Variants in OR4E2 observed in about 807,000 individuals in gnomAD.
OR4E2 encodes the protein olfactory receptor family 4 subfamily E member 2, also known as olfactory receptor 4E2.
In OR4E2, 9 loss-of-function variants were observed where a neutral mutation model predicts 11.0. The ratio of observed to expected loss-of-function variants is 0.82; its 90% CI spans 0.49 to 1.43. OR4E2 has a LOEUF of 1.43. Ranked by LOEUF, OR4E2 falls within the 40% of genes most tolerant of loss-of-function variation. The pLI, the probability that OR4E2 is intolerant of heterozygous loss-of-function variation, is 0.00. For synonymous variants in OR4E2, 159 were observed against 147.3 expected, an observed-to-expected ratio of 1.08 and a Z score of -0.57; for missense variants, 441 against 382.0, an observed-to-expected ratio of 1.15 and a Z score of -1.29.
At chr14:21,655,199 A>G (rs116826653) in intron 1 of OR4E2, among the ~76,000 whole-genome samples, 221 of 152,386 alleles carry the variant, frequency 1.5e-3, no homozygotes, top group African/African-American at 5.0e-3. Flanking sequence ...TTGCTCAAGT[A>G]TACGCAGAGT....
chr14:21,660,384 A>G (rs941138653), intron 2 of OR4E2, among the ~76,000 whole-genome samples: 1 of 152,154 alleles, frequency 6.6e-6, no homozygotes, highest in Non-Finnish European at 1.5e-5. Flanking sequence ...GGGGGAAGAG[A>G]TTCCAAACAG....
chr14:21,661,464 T>C (rs1287145437), intron 3 of OR4E2, among the ~76,000 whole-genome samples: 3 of 152,212 alleles, frequency 2.0e-5, no homozygotes, highest in Non-Finnish European at 4.4e-5. Flanking sequence ...ATACTCATAA[T>C]AGGTTCTTTT....
chr14:21,653,871 T>C lies in OR4E2; in HGVS notation c.-259T>C, dbSNP rs1879782352. 1 of 152,220 alleles carries C rather than the reference T, an allele frequency of 6.6e-6. No homozygotes were observed. The highest frequency in any genetic ancestry group is 1.5e-5 in the Non-Finnish European group (1 of 68,040). 9.4% of individuals were successfully genotyped at this position (152,220 alleles called of 1,614,324 possible). A position where few individuals can be genotyped will look rare whatever the true frequency, so the allele number is the denominator to read the frequency against. ...TGCAGAATTTTGAGTTTCATGATTTTATATCCTAGGCTTCTATAATAGGGT... is the reference window on the plus strand; with the variant it reads ...TGCAGAATTTTGAGTTTCATGATTTCATATCCTAGGCTTCTATAATAGGGT... On this transcript the variant is annotated 5_prime_UTR_variant, in exon 1 of 4. Coordinates refer to ENST00000641524, the MANE Select transcript of OR4E2 (RefSeq NM_001001912.3).
In OR4E2 at chr14:21,665,178, A is replaced by T; in HGVS notation, c.96A>T (p.Ser32=). The change falls in exon 4 of 4, where the codon TCA becomes TCT. Residue 32 remains serine, a synonymous_variant. Coordinates refer to ENST00000641524, the MANE Select transcript of OR4E2 (RefSeq NM_001001912.3). ...VLEMLFFMAF[S]AIYMLTLSGN... ...AAATGCTGTTTTTCATGGCATTCTC[A>T]GCCATTTATATGCTAACGCTTTCGG... 1 of 1,613,864 alleles carries T rather than the reference A, an allele frequency of 6.2e-7. No homozygotes were observed. Among genetic ancestry groups the T allele is most frequent in the Admixed American group, 1.7e-5 (1 of 60,020 alleles).
rs1491122085 is a variant in OR4E2, at chr14:21,657,385, C to CCTTCCTTCCTTCCTTT, written c.-103+799_-103+800insCCTTCCTTCCTTTCTT. On this transcript the variant is annotated intron_variant, in intron 2 of 3. Coordinates refer to ENST00000641524, the MANE Select transcript of OR4E2 (RefSeq NM_001001912.3). ...TCCTTCCTTCCTTCCTTCCTTCCTT[C>CCTTCCTTCCTTCCTTT]CTTTCTTTCTTCCTTCCTTCCTTTC... Among the ~76,000 whole-genome samples, 25 of 108,314 alleles carry CCTTCCTTCCTTCCTTT rather than the reference C, an allele frequency of 2.3e-4. 1 individual carries two copies. Among genetic ancestry groups the CCTTCCTTCCTTCCTTT allele is most frequent in the Non-Finnish European group, 6.0e-5 (3 of 49,986 alleles). 71.1% of individuals were successfully genotyped at this position (108,314 alleles called of 152,430 possible).
intron 1 of OR4E2, among the ~76,000 whole-genome samples, chr14:21,656,174 C>CAA (rs11357838): frequency 1.5e-3 from 220 of 144,266 alleles, no homozygotes; most frequent in East Asian, 0.013. Flanking sequence ...AACAAACAAC[C>CAA]AAAAAAAAAA....
intron 1 of OR4E2, among the ~76,000 whole-genome samples, 148 bp from the exon 2 acceptor site, chr14:21,656,350 ACTCT>A (rs148999082): frequency 6.0e-5 from 9 of 150,698 alleles, no homozygotes; most frequent in South Asian, 2.1e-4. Flanking sequence ...ACAGAGTGAG[ACTCT>A]CTCTCTCTCT....
intron 1 of OR4E2, among the ~76,000 whole-genome samples, chr14:21,655,174 T>C (rs1162644841): frequency 6.6e-6 from 1 of 152,208 alleles, no homozygotes; most frequent in Admixed American, 6.5e-5. Context: ...CATTCCATAA[T>C]GAAAATAAAG....
In OR4E2 at chr14:21,661,251, AT is replaced by A. The variant is rs367906519; in HGVS notation, c.-9+506del. Among the ~76,000 whole-genome samples, 52 of 152,326 alleles carry A rather than the reference AT, an allele frequency of 3.4e-4. 1 individual carries two copies. In the East Asian group the frequency reaches 6.0e-3, roughly 17 times the overall value. ...ATCTTGTGTCCTTCTAGGAATAAATATATACAAACATAATTCATGAATATGT... is the reference window on the plus strand; with the variant it reads ...ATCTTGTGTCCTTCTAGGAATAAATAATACAAACATAATTCATGAATATGT... On this transcript the variant is annotated intron_variant, in intron 3 of 3. Transcript: ENST00000641524.
At chr14:21,664,938 A>G (rs932840858) in intron 3 of OR4E2, 137 bp from the exon 4 acceptor site, 2 of 609,942 alleles carry the variant, frequency 3.3e-6, no homozygotes, top group African/African-American at 1.9e-5. Flanking sequence ...TACTGTAACA[A>G]CTACTGTTAA....
Position 21,656,171 on chromosome 14 carries a change from A to G in OR4E2, c.-190-331A>G, listed in dbSNP as rs557968660. Among the ~76,000 whole-genome samples, 6 of 137,402 alleles carry G rather than the reference A, an allele frequency of 4.4e-5. No homozygotes were observed. In the East Asian group the frequency reaches 1.6e-3, roughly 36 times the overall value. 90.1% of individuals were successfully genotyped at this position (137,402 alleles called of 152,430 possible). A position where few individuals can be genotyped will look rare whatever the true frequency, so the allele number is the denominator to read the frequency against. ...AAACAAGAAACACAACAAAACAAACAACCAAAAAAAAAAAAGCAATGAACA... is the reference window on the plus strand; with the variant it reads ...AAACAAGAAACACAACAAAACAAACGACCAAAAAAAAAAAAGCAATGAACA... On this transcript the variant is annotated intron_variant, in intron 1 of 3. Transcript: ENST00000641524.
rs540451655 is a variant in OR4E2, at chr14:21,665,690, G to A, written c.608G>A (p.Ser203Asn). 4.3e-6 allele frequency: 7 copies of A among 1,614,156 alleles called. No individual in the cohort carries two copies. The East Asian group carries it at 1.6e-4, about 36-fold the overall frequency. Residue 203 changes from serine (S) to asparagine (N), a missense_variant, in exon 4 of 4, where the codon AGT becomes AAT. Coordinates refer to ENST00000641524, the MANE Select transcript of OR4E2 (RefSeq NM_001001912.3). ...ACAGGAATACTGATTGTGACCAATA[G>A]TGGAACCATCTCCCTCTCCTGTTTC... Reference protein sequence around the residue: ...YLTGILIVTNSGTISLSCFLA... With the variant: ...YLTGILIVTNNGTISLSCFLA...
intron 2 of OR4E2, among the ~76,000 whole-genome samples, chr14:21,658,647 G>A (rs967500953): frequency 1.3e-5 from 2 of 152,106 alleles, no homozygotes; most frequent in African/African-American, 4.8e-5. Flanking sequence ...AGAGGTCACT[G>A]ATCTCTGGAA....
Position 21,667,501 on chromosome 14 carries a change from C to A in OR4E2, c.*1477C>A, listed in dbSNP as rs1400454762. ...TCTAAATATCATTACTTCAAGTTGACAAACAAGGGTAGAAAATGGTCAGTC... is the reference window on the plus strand; with the variant it reads ...TCTAAATATCATTACTTCAAGTTGAAAAACAAGGGTAGAAAATGGTCAGTC... On this transcript the variant is annotated 3_prime_UTR_variant, in exon 4 of 4. Transcript: ENST00000641524. 6.6e-6 allele frequency: 1 copy of A among 152,140 alleles called. No homozygotes were observed. Among genetic ancestry groups the A allele is most frequent in the Non-Finnish European group, 1.5e-5 (1 of 68,022 alleles). 9.4% of individuals were successfully genotyped at this position (152,140 alleles called of 1,614,324 possible).
Position 21,665,665 on chromosome 14 carries a change from A to T in OR4E2, c.583A>T (p.Thr195Ser). Residue 195 changes from threonine (T) to serine (S), a missense_variant, in exon 4 of 4, where the codon ACA becomes TCA. By Grantham distance (58) the Thr-to-Ser change is moderately conservative. Coordinates refer to ENST00000641524, the MANE Select transcript of OR4E2 (RefSeq NM_001001912.3). Reference protein sequence around the residue: ...IKLACTDTYLTGILIVTNSGT... With the variant: ...IKLACTDTYLSGILIVTNSGT... ...GCTGGCCTGCACAGATACATACCTC[A>T]CAGGAATACTGATTGTGACCAATAG... The T allele has an allele frequency of 6.2e-7, 1 of 1,614,130 alleles. No homozygotes were observed. Among genetic ancestry groups the T allele is most frequent in the South Asian group, 1.1e-5 (1 of 91,078 alleles).
In OR4E2 at chr14:21,657,576, C is replaced by CCTT. The variant is rs1244598279; in HGVS notation, c.-103+988_-103+989insTTC. 3.1e-4 allele frequency among the ~76,000 whole-genome samples: 40 copies of CCTT among 128,910 alleles called. 2 individuals carry two copies. The South Asian group carries it at 8.5e-3, about 28-fold the overall frequency. The allele number at this position is 128,910 out of a possible 152,430, so 84.6% of individuals were successfully genotyped here. On this transcript the variant is annotated intron_variant, in intron 2 of 3. Coordinates refer to ENST00000641524, the MANE Select transcript of OR4E2 (RefSeq NM_001001912.3). ...CTGTCTCTCTCTCTCTCTCTCTCTC[C>CCTT]CCCTTCCCTTCCCTTCCCTTCCTTT...
In OR4E2 at chr14:21,666,684, T is replaced by C. The variant is rs1880668163; in HGVS notation, c.*660T>C. 1 of 149,918 alleles carries C rather than the reference T, an allele frequency of 6.7e-6. No homozygotes were observed. The highest frequency in any genetic ancestry group is 2.5e-5 in the African/African-American group (1 of 40,586). The allele number at this position is 149,918 out of a possible 1,614,324, so 9.3% of individuals were successfully genotyped here. On this transcript the variant is annotated 3_prime_UTR_variant, in exon 4 of 4. Transcript: ENST00000641524. ...ACAAGAATAGTAAAAATTAAAAAGG[T>C]AGAAAATACCAAGTGGTTTTTTTTT...
intron 3 of OR4E2, among the ~76,000 whole-genome samples, chr14:21,663,248 G>A (rs1880433949): frequency 6.6e-6 from 1 of 152,164 alleles, no homozygotes; most frequent in African/African-American, 2.4e-5. Context: ...GGGAGGCCGA[G>A]GTGGGTGGAT....
At chr14:21,655,336 A>T (rs1044830164) in intron 1 of OR4E2, among the ~76,000 whole-genome samples, 1 of 152,164 alleles carries the variant, frequency 6.6e-6, no homozygotes, top group Non-Finnish European at 1.5e-5. Flanking sequence ...ACTAAGACAA[A>T]TTGGCTTTGA....
Sources: allele counts gnomAD v4.1 joint callset (sites outside exome capture counted in the v4.1 genomes callset), GRCh38; gene constraint gnomAD v4.1.1; transcripts MANE v1.5; gene names NCBI Gene and HGNC (gene_info 2026-07-23, HGNC 2026-07-21).